Variants in MYO3A observed in about 807,000 individuals in gnomAD.
The protein encoded by MYO3A is myosin-IIIa.
In MYO3A, 180 loss-of-function variants were observed where a neutral mutation model predicts 192.7. The ratio of observed to expected loss-of-function variants is 0.93; its 90% CI spans 0.83 to 1.06. The LOEUF is 1.06. Ranked by LOEUF, MYO3A falls within the 50% of genes least tolerant of loss-of-function variation. The probability of loss-of-function intolerance (pLI) is 0.00; values close to 1 mark genes in which losing one functional copy is unlikely to be tolerated. For synonymous variants in MYO3A, 628 were observed against 645.3 expected (o/e 0.97, Z 0.41); for missense variants, 1,896 against 1,905.0 (o/e 1.00, Z 0.09).
chr10:25,942,730 C>A (rs1428702097), intron 2 of MYO3A, among the ~76,000 whole-genome samples: 1 of 150,468 alleles, frequency 6.6e-6, no homozygotes, highest in Admixed American at 6.6e-5. Context: ...GCTCATTGAC[C>A]ATTTGTATAT....
At chr10:25,956,206 C>T (rs1332647677) in intron 4 of MYO3A, among the ~76,000 whole-genome samples, 1 of 152,158 alleles carries the variant, frequency 6.6e-6, no homozygotes, top group Non-Finnish European at 1.5e-5. Flanking sequence ...GGTCCCACCT[C>T]TTAACAATAT....
chr10:26,198,641 T>G (rs1356019364), intron 32 of MYO3A, among the ~76,000 whole-genome samples: 1 of 152,224 alleles, frequency 6.6e-6, no homozygotes, highest in Non-Finnish European at 1.5e-5. Context: ...TGGATATGAA[T>G]TTTAACGTTT....
At chr10:26,201,538 T>C (rs950721661) in intron 33 of MYO3A, among the ~76,000 whole-genome samples, 3 of 151,356 alleles carry the variant, frequency 2.0e-5, no homozygotes, top group African/African-American at 7.3e-5. Flanking sequence ...AAAAAAAAAT[T>C]AGCCGGGCGT....
intron 10 of MYO3A, among the ~76,000 whole-genome samples, chr10:26,044,930 G>T (rs72793983): frequency 0.16 from 24,571 of 152,228 alleles, 2,287 homozygotes; most frequent in Non-Finnish European, 0.21. Flanking sequence ...GAATGGAGCT[G>T]CAGAAGGGCA....
rs541884808 is a variant in MYO3A at position 26,128,262 on chromosome 10, A to C, written c.2115-129A>C. 3.3e-6 allele frequency: 3 copies of C among 900,454 alleles called. No individual in the cohort carries two copies. In the African/African-American group the frequency reaches 5.0e-5, roughly 15 times the overall value. The allele number at this position is 900,454 out of a possible 1,614,324, so 55.8% of individuals were successfully genotyped here. A position where few individuals can be genotyped will look rare whatever the true frequency, so the allele number is the denominator to read the frequency against. ...AGAGAGAAGCTATTTCAGTTAAGAA[A>C]GTTTCACTCTAAGTGTATGTTCTTA... On this transcript the variant is annotated intron_variant, in intron 19 of 34. Coordinates refer to ENST00000642920, the MANE Select transcript of MYO3A (RefSeq NM_017433.5).
chr10:25,976,851 G>A (rs1028913912), intron 4 of MYO3A, among the ~76,000 whole-genome samples: 3 of 151,986 alleles, frequency 2.0e-5, no homozygotes, highest in Admixed American at 6.6e-5. Flanking sequence ...GGCTAAATAC[G>A]ACATAATTCA....
At chr10:25,944,833 T>A (rs975811148) in intron 2 of MYO3A, among the ~76,000 whole-genome samples, 1 of 152,104 alleles carries the variant, frequency 6.6e-6, no homozygotes, top group Admixed American at 6.5e-5. Flanking sequence ...TTTCGAAGAA[T>A]CAACTCATGG....
rs563650630 is a variant in MYO3A at position 26,009,833 on chromosome 10, T to C, written c.509-6987T>C. On this transcript the variant is annotated intron_variant, in intron 6 of 34. Coordinates refer to ENST00000642920, the MANE Select transcript of MYO3A (RefSeq NM_017433.5). ...ATCTTAGTCTGCAGCTCTAAAATTTTAATCTCTGAAGAACTTTAAGTTAAT... is the reference window on the plus strand; with the variant it reads ...ATCTTAGTCTGCAGCTCTAAAATTTCAATCTCTGAAGAACTTTAAGTTAAT... Among the ~76,000 whole-genome samples the C allele has an allele frequency of 3.3e-4, 51 of 152,366 alleles. No homozygotes were observed. The Middle Eastern group carries it at 0.01, about 30-fold the overall frequency.
At position 26,211,929 on chromosome 10, in the gene MYO3A, C is replaced by T. The variant is rs1281775912; in HGVS notation, c.4817C>T (p.Thr1606Ile). 2 of 1,613,868 alleles carry T rather than the reference C, an allele frequency of 1.2e-6. No individual in the cohort carries two copies. Among genetic ancestry groups the T allele is most frequent in the Non-Finnish European group, 1.7e-6 (2 of 1,179,996 alleles). ...GACTTCAGGAGGCTCCTGCGCAAAA[C>T]CTCCCAGCGCCGGCGCCTCGTCCAG... Reference protein sequence around the residue: ...PYDFRRLLRKTSQRRRLVQQS With the variant: ...PYDFRRLLRKISQRRRLVQQS The change falls in exon 35 of 35, where the codon ACC becomes ATC. Residue 1606 changes from threonine (T) to isoleucine (I), a missense_variant. Thr to Ile is a moderately conservative substitution (Grantham distance 89, BLOSUM62 -1). Coordinates refer to ENST00000642920, the MANE Select transcript of MYO3A (RefSeq NM_017433.5).
intron 15 of MYO3A, among the ~76,000 whole-genome samples, chr10:26,092,140 T>C (rs1323391313): frequency 6.6e-6 from 1 of 152,150 alleles, no homozygotes; most frequent in African/African-American, 2.4e-5. Flanking sequence ...AAACTGAAAG[T>C]GTTGTTTTAC....
Position 26,201,297 on chromosome 10 carries a change from GA to G in MYO3A, c.4581del (p.Asp1528ThrfsTer7). 6.3e-7 allele frequency: 1 copy of G among 1,579,250 alleles called. No individual in the cohort carries two copies. The highest frequency in any genetic ancestry group is 8.7e-7 in the Non-Finnish European group (1 of 1,154,130). The stretch of plus-strand genomic sequence containing the variant: ...TCCAAGAAGAAAAACGAAGACCAAG[GA>G]AAGACAGGTAATTATTACTTCTGGA... ...SIQEEKRRPR[K>X]DSQGKLLDLE... On this transcript the variant is annotated frameshift_variant, in exon 33 of 35. Coordinates refer to ENST00000642920, the MANE Select transcript of MYO3A (RefSeq NM_017433.5). LOFTEE classifies it high-confidence loss of function.
chr10:26,064,851 G>C (rs141875164), intron 10 of MYO3A, among the ~76,000 whole-genome samples: 2 of 152,160 alleles, frequency 1.3e-5, no homozygotes, highest in Non-Finnish European at 2.9e-5. Flanking sequence ...AGTAGGTTTG[G>C]AGACAGAGTA....
chr10:25,990,151 C>G (rs1325670095), intron 4 of MYO3A, among the ~76,000 whole-genome samples: 2 of 152,128 alleles, frequency 1.3e-5, no homozygotes, highest in Non-Finnish European at 2.9e-5. Flanking sequence ...ATGTGGAAAA[C>G]TCCCCTACCA....
intron 15 of MYO3A, among the ~76,000 whole-genome samples, chr10:26,092,250 G>A (rs1303357918): frequency 6.6e-6 from 1 of 152,176 alleles, no homozygotes; most frequent in Non-Finnish European, 1.5e-5. Context: ...GGTGGATCAT[G>A]AGGTCAGGAG....
intron 31 of MYO3A, among the ~76,000 whole-genome samples, chr10:26,184,694 C>G (rs1268998462): frequency 6.6e-6 from 1 of 152,156 alleles, no homozygotes; most frequent in African/African-American, 2.4e-5. Flanking sequence ...GACATTATTA[C>G]CACAACTGCA....
In MYO3A at chr10:26,170,468, A is replaced by G; in HGVS notation, c.3327A>G (p.Lys1109=). 6.2e-7 allele frequency: 1 copy of G among 1,613,662 alleles called. No homozygotes were observed. The highest frequency in any genetic ancestry group is 8.5e-7 in the Non-Finnish European group (1 of 1,179,750). ...RKQRKEIVDM[K]NTAVTTIQTS... is the part of the protein sequence containing the mutation. The stretch of plus-strand genomic sequence containing the variant: ...AAAGAAAAGAAATTGTTGACATGAA[A>G]AACACAGCAGTAACAACCATTCAAA... The change falls in exon 29 of 35, where the codon AAA becomes AAG. Residue 1109 remains lysine (K), a synonymous_variant. Transcript: ENST00000642920.
intron 14 of MYO3A, among the ~76,000 whole-genome samples, chr10:26,073,931 C>G (rs552173505): frequency 6.6e-6 from 1 of 152,118 alleles, no homozygotes; most frequent in East Asian, 1.9e-4. Context: ...TGTAAAAACT[C>G]TCAGAGCTGT....
At chr10:26,024,393 A>T (rs187219242) in intron 9 of MYO3A, among the ~76,000 whole-genome samples, 57 of 152,284 alleles carry the variant, frequency 3.7e-4, no homozygotes, top group African/African-American at 1.1e-3. Flanking sequence ...GTCTCTTAGC[A>T]TACCATTAGG....
chr10:26,155,947 T>G lies in MYO3A; in HGVS notation c.2793+1124T>G, dbSNP rs548540813. ...ATCTTCAGGCTGAAGTGAGAAATGA[T>G]AGAAGATAATCCCACCTAACATGAA... On this transcript the variant is annotated intron_variant, in intron 25 of 34. Coordinates refer to ENST00000642920, the MANE Select transcript of MYO3A (RefSeq NM_017433.5). 2.6e-5 allele frequency among the ~76,000 whole-genome samples: 4 copies of G among 152,306 alleles called. No homozygotes were observed. The South Asian group carries it at 8.3e-4, about 32-fold the overall frequency.
Sources: gnomAD v4.1 joint callset for allele counts (sites outside exome capture counted in the v4.1 genomes callset) on GRCh38, gnomAD v4.1.1 for gene constraint, MANE v1.5 for transcripts, NCBI Gene and HGNC (gene_info 2026-07-23, HGNC 2026-07-21) for gene names.